FGGY: variants seen among roughly 807,000 people sequenced by gnomAD.
The protein encoded by FGGY is FGGY carbohydrate kinase domain containing.
FGGY carries 72 observed loss-of-function variants against 71.3 expected under a neutral mutation model. The observed-to-expected ratio is 1.01, with a 90% confidence interval of 0.84 to 1.23. FGGY has a LOEUF of 1.23. FGGY is among the 50% of genes most tolerant of loss of function. The pLI is 0.00. For synonymous variants in FGGY, 251 were observed against 250.3 expected (o/e 1.00, Z -0.02); for missense variants, 668 against 682.3 (o/e 0.98, Z 0.23).
At chr1:59,498,718 T>G (rs936661190) in intron 6 of FGGY, among the ~76,000 whole-genome samples, 2 of 152,122 alleles carry the variant, frequency 1.3e-5, no homozygotes, top group African/African-American at 4.8e-5. Flanking sequence ...ATGATCCCCC[T>G]CCCCCACCAA....
intron 8 of FGGY, among the ~76,000 whole-genome samples, chr1:59,592,038 C>T (rs558209724): frequency 2.6e-5 from 4 of 152,296 alleles, no homozygotes; most frequent in African/African-American, 9.6e-5. Flanking sequence ...GCAACCTACT[C>T]ATCTGACAAA....
At chr1:59,467,658 A>T (rs574089342) in intron 6 of FGGY, among the ~76,000 whole-genome samples, 1 of 152,080 alleles carries the variant, frequency 6.6e-6, no homozygotes, top group South Asian at 2.1e-4. Context: ...CTATGATGAC[A>T]TTACAGTTAC....
intron 2 of FGGY, among the ~76,000 whole-genome samples, chr1:59,333,728 G>T (rs541432908): frequency 6.6e-6 from 1 of 152,216 alleles, no homozygotes; most frequent in Non-Finnish European, 1.5e-5. Flanking sequence ...CTTCAGCCAC[G>T]TAGCCATGGT....
chr1:59,616,537 C>T (rs146372343), intron 9 of FGGY, among the ~76,000 whole-genome samples: 10,346 of 151,924 alleles, frequency 0.068, 919 homozygotes, highest in African/African-American at 0.21. Flanking sequence ...TATTAAATGA[C>T]GAGTTAATGG....
chr1:59,612,437 A>G (rs934965308), intron 9 of FGGY, among the ~76,000 whole-genome samples: 3 of 152,320 alleles, frequency 2.0e-5, no homozygotes, highest in African/African-American at 7.2e-5. Flanking sequence ...TTTACAGACA[A>G]GCAAATACTG....
chr1:59,422,766 G>C (rs12561815), intron 5 of FGGY, among the ~76,000 whole-genome samples: 1 of 151,820 alleles, frequency 6.6e-6, no homozygotes, highest in Non-Finnish European at 1.5e-5. Flanking sequence ...TAAGCACTAG[G>C]TAAATATTAA....
At chr1:59,565,304 C>T (rs1357451922) in intron 8 of FGGY, among the ~76,000 whole-genome samples, 1 of 151,796 alleles carries the variant, frequency 6.6e-6, no homozygotes, top group African/African-American at 2.4e-5. Context: ...TTTTTTAAGA[C>T]AGAGTCTTGT....
intron 14 of FGGY, among the ~76,000 whole-genome samples, chr1:59,700,735 T>C (rs1183855479): frequency 6.6e-6 from 1 of 152,178 alleles, no homozygotes; most frequent in African/African-American, 2.4e-5. Context: ...ACAAGTAATA[T>C]TGATTTCAGG....
intron 7 of FGGY, among the ~76,000 whole-genome samples, chr1:59,532,273 G>A (rs1279418650): frequency 6.6e-6 from 1 of 152,110 alleles, no homozygotes; most frequent in African/African-American, 2.4e-5. Flanking sequence ...TTAGAGAACT[G>A]AAACATAGAT....
intron 8 of FGGY, among the ~76,000 whole-genome samples, chr1:59,573,595 A>G (rs182955944): frequency 4.8e-3 from 734 of 152,268 alleles, no homozygotes; most frequent in Non-Finnish European, 7.7e-3. Context: ...TTTTACAACT[A>G]TTTCATAAGT....
At chr1:59,488,630 A>G (rs72666204) in intron 6 of FGGY, among the ~76,000 whole-genome samples, 7,625 of 150,374 alleles carry the variant, frequency 0.051, 237 homozygotes, top group East Asian at 0.12. Flanking sequence ...ACTTTACACA[A>G]TTGAAATACT....
chr1:59,426,194 C>T (rs1256008938), intron 5 of FGGY, among the ~76,000 whole-genome samples: 2 of 152,166 alleles, frequency 1.3e-5, no homozygotes, highest in Non-Finnish European at 2.9e-5. Context: ...CGCTTTTAGT[C>T]AGCAGCTCCC....
At position 59,650,620 on chromosome 1, in the gene FGGY, G is replaced by T. The variant is rs1374068853; in HGVS notation, c.1222-9599G>T. On this transcript the variant is annotated intron_variant, in intron 11 of 15. Coordinates refer to ENST00000303721, the MANE Select transcript of FGGY (RefSeq NM_018291.5). ...TATCCCCTTTATCATTTTTTATTGC[G>T]TCTATTTGATTCTTCTCTCATTTCT... 3.4e-4 allele frequency among the ~76,000 whole-genome samples: 37 copies of T among 107,382 alleles called. 2 individuals are homozygous for T. Among genetic ancestry groups the T allele is most frequent in the African/African-American group, 1.6e-3 (33 of 20,740 alleles). 70.4% of individuals were successfully genotyped at this position (107,382 alleles called of 152,430 possible). A position where few individuals can be genotyped will look rare whatever the true frequency, so the allele number is the denominator to read the frequency against.
At chr1:59,338,495 A>G (rs1251962575) in intron 2 of FGGY, among the ~76,000 whole-genome samples, 2 of 152,024 alleles carry the variant, frequency 1.3e-5, no homozygotes, top group East Asian at 3.9e-4. Context: ...GAATGTTTTA[A>G]GCACAAATTT....
At chr1:59,393,140 T>A (rs977965360) in intron 5 of FGGY, 5 of 152,204 alleles carry the variant, frequency 3.3e-5, no homozygotes, top group African/African-American at 9.7e-5. Context: ...GCCCTTAACC[T>A]CCTCCTCTTC....
intron 7 of FGGY, among the ~76,000 whole-genome samples, chr1:59,515,301 T>C (rs1005883980): frequency 3.3e-5 from 5 of 152,200 alleles, no homozygotes; most frequent in African/African-American, 1.2e-4. Context: ...AATGGCTGTA[T>C]GTACCTAATA....
intron 6 of FGGY, among the ~76,000 whole-genome samples, chr1:59,489,099 A>C (rs1194508456): frequency 1.3e-5 from 2 of 152,056 alleles, no homozygotes; most frequent in African/African-American, 4.8e-5. Context: ...ATAATTTTTT[A>C]TTTTTAATTG....
At chr1:59,502,228 T>C (rs1190891445) in intron 6 of FGGY, among the ~76,000 whole-genome samples, 1 of 152,202 alleles carries the variant, frequency 6.6e-6, no homozygotes, top group South Asian at 2.1e-4. Context: ...CTGCCTCTTA[T>C]GGATATATTA....
intron 8 of FGGY, among the ~76,000 whole-genome samples, chr1:59,583,588 A>C (rs1305141268): frequency 7.0e-6 from 1 of 142,432 alleles, no homozygotes; most frequent in Non-Finnish European, 1.5e-5. Context: ...ATTGAAATGG[A>C]CTGCGCATGG....
Sources: allele counts gnomAD v4.1 joint callset (sites outside exome capture counted in the v4.1 genomes callset), GRCh38; gene constraint gnomAD v4.1.1; transcripts MANE v1.5; gene names NCBI Gene and HGNC (gene_info 2026-07-23, HGNC 2026-07-21).